The following CIT variants were observed in gnomAD, a reference collection of about 807,000 sequenced individuals.
The protein encoded by CIT is citron rho-interacting serine/threonine kinase.
In CIT, 79 loss-of-function variants were observed where a neutral mutation model predicts 272.7. That is an observed-to-expected ratio of 0.29 (90% CI 0.24 to 0.35). The LOEUF (loss-of-function observed/expected upper bound fraction) is 0.35, where lower values mean the gene tolerates loss of function less well. Among genes scored for constraint, CIT ranks in the 10% least tolerant of loss-of-function variants. The pLI is 1.00. For missense variants in CIT, 1,909 were observed against 2,618.3 expected (o/e 0.73, Z 5.91); for synonymous variants, 948 against 995.6 (o/e 0.95, Z 0.90).
chr12:119,701,500 A>G (rs1045271646), intron 43 of CIT, 124 bp downstream of exon 43: 9 of 1,088,266 alleles, frequency 8.3e-6, no homozygotes, highest in Non-Finnish European at 1.2e-5. Flanking sequence ...TGCTGGAAGG[A>G]CATTCTCTGT....
At chr12:119,825,417 A>C in intron 7 of CIT, 49 bp from the exon 8 acceptor site, 9 of 1,539,080 alleles carry the variant, frequency 5.8e-6, no homozygotes, top group Non-Finnish European at 8.0e-6. Context: ...AATTATCCTC[A>C]AGTAGACTGC....
chr12:119,767,060 C>A, intron 19 of CIT, 27 bp downstream of exon 19: 2 of 1,574,928 alleles, frequency 1.3e-6, no homozygotes, highest in Non-Finnish European at 1.7e-6. Context: ...AGGAGCAAGG[C>A]CAGGGAAGAT....
intron 8 of CIT, among the ~76,000 whole-genome samples, chr12:119,823,999 A>T (rs1967945617): frequency 7.5e-6 from 1 of 133,488 alleles, no homozygotes. Flanking sequence ...ATATTGTGCC[A>T]CTGCACTCCA....
intron 9 of CIT, 92 bp from the exon 10 acceptor site, chr12:119,803,481 G>A: frequency 7.4e-6 from 7 of 943,324 alleles, no homozygotes; most frequent in East Asian, 2.8e-5. Flanking sequence ...TTACTCCTTC[G>A]GCGCTGGCGA....
chr12:119,744,610 G>A (rs1193784809), intron 23 of CIT, among the ~76,000 whole-genome samples: 2 of 151,522 alleles, frequency 1.3e-5, no homozygotes, highest in African/African-American at 4.9e-5. Flanking sequence ...CAGCTACTCT[G>A]GAGGCTGAGG....
At chr12:119,854,375 C>T (rs1336007122) in intron 4 of CIT, among the ~76,000 whole-genome samples, 2 of 151,406 alleles carry the variant, frequency 1.3e-5, no homozygotes, top group South Asian at 2.1e-4. Flanking sequence ...CAGTGGCTCA[C>T]GCCTGTAATC....
At chr12:119,794,904 C>T (rs377422395) in intron 10 of CIT, among the ~76,000 whole-genome samples, 2 of 152,222 alleles carry the variant, frequency 1.3e-5, no homozygotes, top group Non-Finnish European at 2.9e-5. Flanking sequence ...GATAGGCGAC[C>T]TTACACCTTC....
chr12:119,744,893 G>A (rs533472572), intron 23 of CIT, among the ~76,000 whole-genome samples: 17 of 151,930 alleles, frequency 1.1e-4, no homozygotes, highest in Admixed American at 1.1e-3. Flanking sequence ...AGAAGTAGAA[G>A]ACAAGAAGTA....
intron 10 of CIT, among the ~76,000 whole-genome samples, chr12:119,801,756 T>C (rs889528880): frequency 1.3e-5 from 2 of 152,160 alleles, no homozygotes; most frequent in African/African-American, 2.4e-5. Context: ...TTCAAACCCA[T>C]CTGATGGCAC....
At chr12:119,705,242 G>A (rs533613204) in intron 40 of CIT, among the ~76,000 whole-genome samples, 1 of 152,220 alleles carries the variant, frequency 6.6e-6, no homozygotes, top group Admixed American at 6.5e-5. Flanking sequence ...AATCCAAAAG[G>A]AAAAGTTCTT....
At chr12:119,812,267 T>A (rs1417144113) in intron 9 of CIT, among the ~76,000 whole-genome samples, 2 of 152,016 alleles carry the variant, frequency 1.3e-5, no homozygotes, top group Non-Finnish European at 2.9e-5. Flanking sequence ...CACATTTAAG[T>A]AATAGCAAAG....
chr12:119,750,943 C>A (rs946746831), intron 23 of CIT, among the ~76,000 whole-genome samples: 1 of 151,858 alleles, frequency 6.6e-6, no homozygotes, highest in South Asian at 2.1e-4. Context: ...TAAGTTGAGT[C>A]AGAATGAATA....
chr12:119,815,102 CACA>C (rs1268610064), intron 9 of CIT, among the ~76,000 whole-genome samples: 1 of 71,858 alleles, frequency 1.4e-5, no homozygotes, highest in Non-Finnish European at 2.5e-5. Context: ...CACACACACA[CACA>C]ACACACACAC....
intron 7 of CIT, among the ~76,000 whole-genome samples, chr12:119,826,957 C>G (rs114334229): frequency 6.1e-4 from 93 of 152,296 alleles, no homozygotes; most frequent in African/African-American, 2.0e-3. Context: ...TAACTTGAAT[C>G]TCATCCATTC....
intron 40 of CIT, among the ~76,000 whole-genome samples, chr12:119,706,041 G>C (rs1183284131): frequency 6.7e-6 from 1 of 149,314 alleles, no homozygotes; most frequent in Non-Finnish European, 1.5e-5. Context: ...AGTGAGCCAA[G>C]ATCGTGCCGC....
At chr12:119,758,475 A>G (rs1038654551) in intron 21 of CIT, 116 bp downstream of exon 21, 3 of 705,562 alleles carry the variant, frequency 4.3e-6, no homozygotes, top group Admixed American at 2.0e-5. Context: ...GGCTGGGCTG[A>G]GCTACAGAAG....
intron 23 of CIT, among the ~76,000 whole-genome samples, chr12:119,745,204 A>ATC (rs1342000387): frequency 6.7e-6 from 1 of 148,930 alleles, no homozygotes; most frequent in Non-Finnish European, 1.5e-5. Context: ...TAAAAAGAAA[A>ATC]TCTTAAAAAA....
At chr12:119,727,786 C>T (rs1774592787) in intron 28 of CIT, among the ~76,000 whole-genome samples, 1 of 151,972 alleles carries the variant, frequency 6.6e-6, no homozygotes, top group Non-Finnish European at 1.5e-5. Context: ...AAAAATTAGT[C>T]GAGCATGGAG....
intron 23 of CIT, among the ~76,000 whole-genome samples, chr12:119,748,266 G>A (rs558307639): frequency 6.6e-6 from 1 of 152,290 alleles, no homozygotes; most frequent in South Asian, 2.1e-4. Flanking sequence ...AAATGTGGAC[G>A]GACAGGTTGC....
Sources: allele counts gnomAD v4.1 joint callset (sites outside exome capture counted in the v4.1 genomes callset), GRCh38; gene constraint gnomAD v4.1.1; transcripts MANE v1.5; gene names NCBI Gene and HGNC (gene_info 2026-07-23, HGNC 2026-07-21).